The following SLC4A8 variants were observed in gnomAD, a reference collection of about 807,000 sequenced individuals.
SLC4A8 encodes the protein solute carrier family 4 member 8.
SLC4A8 carries 40 observed loss-of-function variants against 125.0 expected under a neutral mutation model. The observed-to-expected ratio is 0.32, with a 90% CI of 0.25 to 0.42. The LOEUF (loss-of-function observed/expected upper bound fraction) is 0.42. SLC4A8 is among the 10% of genes least tolerant of loss of function. The pLI is 1.00. For missense variants in SLC4A8, 863 were observed against 1,355.1 expected, an observed-to-expected ratio of 0.64 and a Z score of 5.70; for synonymous variants, 456 against 476.0, an observed-to-expected ratio of 0.96 and a Z score of 0.55.
Position 51,509,128 on chromosome 12 carries a change from T to G in SLC4A8, c.*1690T>G, listed in dbSNP as rs1353114360. 1 of 152,690 alleles carries G rather than the reference T, an allele frequency of 6.5e-6. No individual in the cohort carries two copies. Among genetic ancestry groups the G allele is most frequent in the Non-Finnish European group, 1.5e-5 (1 of 68,052 alleles). 9.5% of individuals were successfully genotyped at this position (152,690 alleles called of 1,614,324 possible). ...GCTGTAAACAAGCAGTATGTATGGT[T>G]GTACCAATGCCTATTGGCTGAACAT... On this transcript the variant is annotated 3_prime_UTR_variant, in exon 25 of 25. Transcript: ENST00000453097.
chr12:51,489,905 T>A lies in SLC4A8; in HGVS notation c.2654T>A (p.Ile885Asn). 1 of 1,614,202 alleles carries A rather than the reference T, an allele frequency of 6.2e-7. No individual in the cohort carries two copies. Among genetic ancestry groups the A allele is most frequent in the East Asian group, 2.2e-5 (1 of 44,886 alleles). ...GAACAGAGAGTGACAGGCCTTATGA[T>A]CTTTGTGCTGATGGGCTGCTCAGTC... ...IREQRVTGLMIFVLMGCSVFM... is the reference protein window; with the variant it reads ...IREQRVTGLMNFVLMGCSVFM... Residue 885 changes from isoleucine to asparagine, a missense_variant, in exon 19 of 25, where the codon ATC (isoleucine) becomes AAC (asparagine). Coordinates refer to ENST00000453097, the MANE Select transcript of SLC4A8 (RefSeq NM_001039960.3).
At chr12:51,441,028 C>T (rs1036473104) in intron 2 of SLC4A8, 30 of 1,158,982 alleles carry the variant, frequency 2.6e-5, no homozygotes, top group Middle Eastern at 3.4e-4. Flanking sequence ...GCTTTGAACA[C>T]GGTGAAGTCC....
upstream of SLC4A8, among the ~76,000 whole-genome samples, chr12:51,421,401 C>T (rs990726916): frequency 1.3e-5 from 2 of 152,226 alleles, no homozygotes. Context: ...TAGCAGCAGC[C>T]TTAGCTGCTG....
intron 11 of SLC4A8, among the ~76,000 whole-genome samples, chr12:51,468,233 G>T (rs1950580344): frequency 6.6e-6 from 1 of 152,076 alleles, no homozygotes; most frequent in South Asian, 2.1e-4. Context: ...TTTTGGTCTT[G>T]GTCTGTCTCA....
At chr12:51,461,445 T>C in intron 9 of SLC4A8, 154 bp downstream of exon 9, 2 of 543,420 alleles carry the variant, frequency 3.7e-6, no homozygotes, top group Non-Finnish European at 6.7e-6. Context: ...GAGCCCAGTG[T>C]GGAAGGACCA....
At chr12:51,396,400 A>G (rs1948262594) in intron 1 of SLC4A8, among the ~76,000 whole-genome samples, 1 of 152,224 alleles carries the variant, frequency 6.6e-6, no homozygotes, top group East Asian at 1.9e-4. Context: ...GGACTAGGGT[A>G]AGGCAAGTGA....
chr12:51,493,663 C>T (rs375158733), intron 19 of SLC4A8, 41 bp from the exon 20 acceptor site: 99 of 1,346,708 alleles, frequency 7.4e-5, no homozygotes, highest in Non-Finnish European at 1.0e-4. Flanking sequence ...TGCTATGATA[C>T]CAAATTTAAT....
chr12:51,438,096 AG>A (rs1481039594), intron 1 of SLC4A8, among the ~76,000 whole-genome samples: 2 of 152,216 alleles, frequency 1.3e-5, no homozygotes, highest in Non-Finnish European at 2.9e-5. Context: ...ATCAGATCAG[AG>A]TAATTAGCAT....
At chr12:51,433,000 C>A (rs1192741425) in intron 1 of SLC4A8, among the ~76,000 whole-genome samples, 1 of 152,158 alleles carries the variant, frequency 6.6e-6, no homozygotes, top group Non-Finnish European at 1.5e-5. Flanking sequence ...AGAGAGGAGC[C>A]TCAGGGGAAG....
At chr12:51,482,416 G>A (rs780395493) in intron 16 of SLC4A8, among the ~76,000 whole-genome samples, 1 of 152,066 alleles carries the variant, frequency 6.6e-6, no homozygotes, top group Admixed American at 6.6e-5. Context: ...GTCTCACTCT[G>A]TCGCCCAGGC....
At chr12:51,461,846 C>T (rs79043238) in intron 9 of SLC4A8, 2,081 of 201,456 alleles carry the variant, frequency 0.01, 47 homozygotes, top group African/African-American at 0.047. Flanking sequence ...ATGCCTTAGG[C>T]GGCAGAGGGA....
At chr12:51,433,962 A>C (rs1280584112) in intron 1 of SLC4A8, among the ~76,000 whole-genome samples, 2 of 150,178 alleles carry the variant, frequency 1.3e-5, no homozygotes, top group African/African-American at 4.9e-5. Flanking sequence ...AGAGCCTCCA[A>C]CTCCTGGGCT....
chr12:51,470,554 A>C, intron 13 of SLC4A8, 29 bp downstream of exon 13: 1 of 1,602,196 alleles, frequency 6.2e-7, no homozygotes, highest in Non-Finnish European at 8.6e-7. Flanking sequence ...TGAAAACTCT[A>C]ACCAGATTTA....
rs143771748 is a variant in SLC4A8 at position 51,449,578 on chromosome 12, T to A, written c.131-1298T>A. 1.8e-4 allele frequency among the ~76,000 whole-genome samples: 28 copies of A among 152,224 alleles called. No individual in the cohort carries two copies. The East Asian group carries it at 5.0e-3, about 27-fold the overall frequency. On this transcript the variant is annotated intron_variant, in intron 2 of 24. Transcript: ENST00000453097. ...GGAATGGGTCTGAGATCTAGAGTGC[T>A]GAGCAGCAGTAACCAGGCAGAAATG...
At chr12:51,436,270 T>A (rs1241461945) in intron 1 of SLC4A8, among the ~76,000 whole-genome samples, 2 of 152,138 alleles carry the variant, frequency 1.3e-5, no homozygotes, top group African/African-American at 4.8e-5. Context: ...CAACCAACAA[T>A]AGGATAACCA....
At position 51,510,513 on chromosome 12, in the gene SLC4A8, G is replaced by A. The variant is rs900394285; in HGVS notation, c.*3075G>A. On this transcript the variant is annotated 3_prime_UTR_variant, in exon 25 of 25. Transcript: ENST00000453097. Reference sequence around the variant, plus strand: ...ATGATATATCAATTTGAAGTTTCTCGACCTTTCCATCAAGGATCTTGAATT... The same window carrying A: ...ATGATATATCAATTTGAAGTTTCTCAACCTTTCCATCAAGGATCTTGAATT... 2.6e-5 allele frequency: 4 copies of A among 151,190 alleles called. No homozygotes were observed. The highest frequency in any genetic ancestry group is 6.6e-5 in the Admixed American group (1 of 15,168). 9.4% of individuals were successfully genotyped at this position (151,190 alleles called of 1,614,324 possible).
chr12:51,503,233 T>G (rs1405247776), intron 22 of SLC4A8, among the ~76,000 whole-genome samples: 1 of 145,812 alleles, frequency 6.9e-6, no homozygotes, highest in African/African-American at 2.5e-5. Flanking sequence ...TTTATTTTTA[T>G]TTTTTTTTTG....
upstream of SLC4A8, among the ~76,000 whole-genome samples, chr12:51,423,122 G>C (rs1197256006): frequency 6.6e-6 from 1 of 152,148 alleles, no homozygotes; most frequent in Non-Finnish European, 1.5e-5. Context: ...GATTGGTTGA[G>C]GCTCTGTTGA....
At chr12:51,397,441 A>T (rs1162984909) in intron 1 of SLC4A8, among the ~76,000 whole-genome samples, 1 of 152,180 alleles carries the variant, frequency 6.6e-6, no homozygotes, top group Non-Finnish European at 1.5e-5. Context: ...TGGGACGTGG[A>T]CAAAGAACAT....
Sources: allele counts gnomAD v4.1 joint callset (sites outside exome capture counted in the v4.1 genomes callset), GRCh38; gene constraint gnomAD v4.1.1; transcripts MANE v1.5; gene names NCBI Gene and HGNC (gene_info 2026-07-23, HGNC 2026-07-21).